Variants in ANKRD17 observed in about 807,000 individuals in gnomAD.
ANKRD17 encodes ankyrin repeat domain-containing protein 17.
ANKRD17 carries 19 observed loss-of-function variants against 229.7 expected under a neutral mutation model. The observed-to-expected ratio is 0.08, with a 90% CI of 0.06 to 0.12. ANKRD17 has a LOEUF of 0.12. Among genes scored for constraint, ANKRD17 ranks in the 10% least tolerant of loss-of-function variants. The pLI is 1.00. For synonymous variants in ANKRD17, 1,112 were observed against 1,146.1 expected, an observed-to-expected ratio of 0.97 and a Z score of 0.60; for missense variants, 2,176 against 3,176.8, an observed-to-expected ratio of 0.68 and a Z score of 7.57.
intron 25 of ANKRD17, among the ~76,000 whole-genome samples, chr4:73,101,678 A>AAAG (rs1486967302): frequency 1.3e-5 from 2 of 151,572 alleles, no homozygotes; most frequent in African/African-American, 2.4e-5. Flanking sequence ...AAAAAAAAAA[A>AAAG]AAAGGATTTA....
At chr4:73,217,517 T>A (rs1161036789) in intron 1 of ANKRD17, among the ~76,000 whole-genome samples, 1 of 146,996 alleles carries the variant, frequency 6.8e-6, no homozygotes, top group African/African-American at 2.5e-5. Context: ...AATCCAAAAC[T>A]TTTTTTTTTT....
intron 12 of ANKRD17, 82 bp downstream of exon 12, chr4:73,142,558 G>A: frequency 4.4e-6 from 7 of 1,603,684 alleles, no homozygotes; most frequent in Non-Finnish European, 6.0e-6. Flanking sequence ...ATTATGAATG[G>A]AACTTGTACA....
chr4:73,215,076 G>A (rs137992857), intron 1 of ANKRD17, among the ~76,000 whole-genome samples: 47 of 152,002 alleles, frequency 3.1e-4, no homozygotes, highest in African/African-American at 1.1e-3. Flanking sequence ...TCACTAATTT[G>A]GCAGACATTT....
Position 73,078,736 on chromosome 4 carries a change from A to G in ANKRD17, c.7314T>C (p.Thr2438=). The G allele has an allele frequency of 1.9e-6, 3 of 1,614,164 alleles. No individual in the cohort carries two copies. The highest frequency in any genetic ancestry group is 2.5e-6 in the Non-Finnish European group (3 of 1,180,030). The stretch of plus-strand genomic sequence containing the variant: ...CAATAACAGATGGAGCTGACGTTCC[A>G]GTTTGCCTGATACGTGCAGAACGTT... ...GTERSARIRQ[T]GTSAPSVIGS... is the part of the protein sequence containing the mutation. The change falls in exon 31 of 34, where the codon ACT becomes ACC. Residue 2438 remains threonine, a synonymous_variant. Transcript: ENST00000358602.
At chr4:73,139,271 A>G (rs2366792) in intron 15 of ANKRD17, among the ~76,000 whole-genome samples, 5,455 of 152,262 alleles carry the variant, frequency 0.036, 287 homozygotes, top group East Asian at 0.23. Flanking sequence ...ATCAAACATC[A>G]ACCCCACTAC....
At chr4:73,086,403 T>G (rs1158040428) in intron 29 of ANKRD17, among the ~76,000 whole-genome samples, 2 of 152,106 alleles carry the variant, frequency 1.3e-5, no homozygotes, top group African/African-American at 4.8e-5. Context: ...TTTTTAGGGA[T>G]AAAGATAAAA....
intron 22 of ANKRD17, among the ~76,000 whole-genome samples, chr4:73,118,214 G>A (rs1049492753): frequency 2.6e-5 from 4 of 151,966 alleles, no homozygotes; most frequent in South Asian, 2.1e-4. Context: ...GCAGGGCTTC[G>A]CTACATCTGC....
intron 18 of ANKRD17, among the ~76,000 whole-genome samples, chr4:73,124,704 T>C (rs1162972910): frequency 6.6e-6 from 1 of 152,226 alleles, no homozygotes; most frequent in Non-Finnish European, 1.5e-5. Flanking sequence ...TACTTTTAGA[T>C]GAGCAGGATT....
chr4:73,098,308 G>C lies in ANKRD17; in HGVS notation c.4786C>G (p.Pro1596Ala). ...TTGGACTCTCCATTCACCTTCTCTGGCTGACTGTATGAAATTGGTAGTGGA... is the reference window on the plus strand; with the variant it reads ...TTGGACTCTCCATTCACCTTCTCTGCCTGACTGTATGAAATTGGTAGTGGA... ...DDPLPISYSQ[P>A]EKVNGESKSS... is the part of the protein sequence containing the mutation. The change falls in exon 26 of 34, where the codon CCA becomes GCA. Residue 1596 changes from proline (P) to alanine (A), a missense_variant. Physicochemically the swap from Pro to Ala is conservative, Grantham distance 27. Transcript: ENST00000358602. 6.2e-7 allele frequency: 1 copy of C among 1,614,116 alleles called. No homozygotes were observed. Among genetic ancestry groups the C allele is most frequent in the Non-Finnish European group, 8.5e-7 (1 of 1,180,028 alleles).
chr4:73,239,587 T>C (rs1444995078), intron 1 of ANKRD17, among the ~76,000 whole-genome samples: 2 of 152,164 alleles, frequency 1.3e-5, no homozygotes, highest in East Asian at 1.9e-4. Context: ...GATATATCTG[T>C]ATATGTGTGA....
intron 1 of ANKRD17, among the ~76,000 whole-genome samples, chr4:73,191,253 C>A (rs1192296679): frequency 1.3e-5 from 2 of 151,194 alleles, no homozygotes; most frequent in East Asian, 3.9e-4. Flanking sequence ...GATTTCAAGT[C>A]AGTAGGAAAA....
At chr4:73,179,513 TATA>T (rs1392173998) in intron 1 of ANKRD17, among the ~76,000 whole-genome samples, 8 of 100,064 alleles carry the variant, frequency 8.0e-5, no homozygotes, top group African/African-American at 2.6e-4. Flanking sequence ...TATATATATA[TATA>T]TATTTTTTTT....
intron 25 of ANKRD17, among the ~76,000 whole-genome samples, chr4:73,099,385 C>T (rs1296342184): frequency 1.3e-5 from 2 of 152,138 alleles, no homozygotes; most frequent in Non-Finnish European, 1.5e-5. Context: ...CCCAGCTCCC[C>T]GCAACCACCC....
In ANKRD17 at chr4:73,118,846, C is replaced by T. The variant is rs953726496; in HGVS notation, c.4030G>A (p.Ala1344Thr). 6.2e-7 allele frequency: 1 copy of T among 1,610,042 alleles called. No homozygotes were observed. Among genetic ancestry groups the T allele is most frequent in the Admixed American group, 1.7e-5 (1 of 59,592 alleles). Residue 1344 changes from alanine (A) to threonine (T), a missense_variant, in exon 22 of 34, where the codon GCT (alanine) becomes ACT (threonine). By Grantham distance (58) the Ala-to-Thr change is moderately conservative. Coordinates refer to ENST00000358602, the MANE Select transcript of ANKRD17 (RefSeq NM_032217.5). ...KFCELLIGRG[A>T]HIDVRNKKGN... ...TTCTTGTTACGTACATCAATATGAGCTCCCCTAAAAACCAATGACACAGAT... is the reference window on the plus strand; with the variant it reads ...TTCTTGTTACGTACATCAATATGAGTTCCCCTAAAAACCAATGACACAGAT...
chr4:73,138,956 C>T (rs866051631), intron 15 of ANKRD17, among the ~76,000 whole-genome samples: 7 of 151,998 alleles, frequency 4.6e-5, no homozygotes, highest in African/African-American at 1.7e-4. Context: ...TAGAAAGAGA[C>T]TACACATTAA....
chr4:73,087,330 T>C (rs1450388516), intron 29 of ANKRD17, among the ~76,000 whole-genome samples: 1 of 152,066 alleles, frequency 6.6e-6, no homozygotes, highest in African/African-American at 2.4e-5. Flanking sequence ...AATGAGCCTC[T>C]TGTCTCAGTC....
At chr4:73,224,101 C>T (rs956974255) in intron 1 of ANKRD17, among the ~76,000 whole-genome samples, 2 of 152,042 alleles carry the variant, frequency 1.3e-5, no homozygotes, top group Non-Finnish European at 2.9e-5. Flanking sequence ...ACTAAAAATA[C>T]AAAAATTAGC....
chr4:73,173,459 A>G (rs1166909733), intron 2 of ANKRD17, among the ~76,000 whole-genome samples: 1 of 152,194 alleles, frequency 6.6e-6, no homozygotes, highest in Non-Finnish European at 1.5e-5. Context: ...AGACAGGGCT[A>G]ATGTGCAGCT....
At chr4:73,094,698 C>T (rs531530592) in intron 27 of ANKRD17, among the ~76,000 whole-genome samples, 175 of 146,930 alleles carry the variant, frequency 1.2e-3, no homozygotes, top group African/African-American at 4.1e-3. Context: ...TATGTATATA[C>T]GTATAATATA....
Sources: gnomAD v4.1 joint callset for allele counts (sites outside exome capture counted in the v4.1 genomes callset) on GRCh38, gnomAD v4.1.1 for gene constraint, MANE v1.5 for transcripts, NCBI Gene and HGNC (gene_info 2026-07-23, HGNC 2026-07-21) for gene names.